CYFIP1: variants seen among roughly 807,000 people sequenced by gnomAD.
CYFIP1 encodes cytoplasmic FMR1-interacting protein 1.
A neutral mutation model predicts 163.5 loss-of-function variants in CYFIP1; 58 were observed. That is an observed-to-expected ratio of 0.35 (90% CI 0.29 to 0.44). The LOEUF is 0.44. CYFIP1 is among the 20% of genes least tolerant of loss of function. CYFIP1 has a pLI of 1.00. For synonymous variants in CYFIP1, 663 were observed against 660.7 expected, an observed-to-expected ratio of 1.00 and a Z score of -0.05; for missense variants, 1,338 against 1,653.8, an observed-to-expected ratio of 0.81 and a Z score of 3.31.
At chr15:22,906,079 CT>C (rs1311770045) in intron 21 of CYFIP1, among the ~76,000 whole-genome samples, 3 of 151,098 alleles carry the variant, frequency 2.0e-5, no homozygotes, top group Non-Finnish European at 4.4e-5. Context: ...TCAAAACTTT[CT>C]TTTTTCCAAT....
chr15:22,977,801 A>G (rs1164386990), intron 1 of CYFIP1, among the ~76,000 whole-genome samples: 4 of 152,186 alleles, frequency 2.6e-5, no homozygotes, highest in Non-Finnish European at 5.9e-5. Flanking sequence ...ATTGCACTCC[A>G]GCCTGGGCAA....
chr15:22,914,698 G>A, intron 17 of CYFIP1, 28 bp downstream of exon 17: 1 of 1,590,188 alleles, frequency 6.3e-7, no homozygotes. Flanking sequence ...ACACACAAAG[G>A]CTGGAGACAG....
At chr15:22,941,508 A>T (rs1344390661) in intron 6 of CYFIP1, among the ~76,000 whole-genome samples, 1 of 151,732 alleles carries the variant, frequency 6.6e-6, no homozygotes, top group Non-Finnish European at 1.5e-5. Flanking sequence ...AGGTTATACT[A>T]GTAGCCACGA....
chr15:22,910,875 T>C, intron 18 of CYFIP1, 62 bp from the exon 19 acceptor site: 1 of 1,433,522 alleles, frequency 7.0e-7, no homozygotes, highest in East Asian at 2.3e-5. Context: ...AATAACAAGG[T>C]GAAAAACAAA....
Position 22,875,256 on chromosome 15 carries a change from A to G in CYFIP1, c.3058T>C (p.Cys1020Arg), listed in dbSNP as rs763408874. The G allele has an allele frequency of 6.2e-7, 1 of 1,613,996 alleles. No individual in the cohort carries two copies. The highest frequency in any genetic ancestry group is 2.2e-5 in the East Asian group (1 of 44,880). The change falls in exon 27 of 31, where the codon TGT becomes CGT. Residue 1020 changes from cysteine to arginine, a missense_variant. This residue lies in a region of CYFIP1 where 306 missense variants were observed against 322.1 expected (regional missense o/e 0.95). Coordinates refer to ENST00000617928, the MANE Select transcript of CYFIP1 (RefSeq NM_014608.6). The stretch of plus-strand genomic sequence containing the variant: ...AAAGGAGCCGCGTGCAGCAGGTCAC[A>G]CACTTCTTCTAAAGACTAGAGCAGA... ...IEQSLSLEEV[C>R]DLLHAAPFQN...
At chr15:22,910,423 G>C (rs1336867105) in intron 20 of CYFIP1, 97 bp downstream of exon 20, 6 of 969,630 alleles carry the variant, frequency 6.2e-6, no homozygotes, top group Non-Finnish European at 1.6e-6. Flanking sequence ...TGGCCTCCCA[G>C]TGTTGGGATT....
chr15:22,914,420 T>C (rs2060899540), intron 17 of CYFIP1, among the ~76,000 whole-genome samples: 1 of 150,166 alleles, frequency 6.7e-6, no homozygotes, highest in South Asian at 2.1e-4. Flanking sequence ...GGAAACATGA[T>C]TTCTCTTTTT....
intron 10 of CYFIP1, among the ~76,000 whole-genome samples, chr15:22,933,281 G>T (rs954097959): frequency 1.3e-5 from 2 of 152,120 alleles, no homozygotes; most frequent in Admixed American, 6.5e-5. Flanking sequence ...AAACGTGGCT[G>T]TCGTAAGGAA....
At chr15:22,941,552 T>A (rs2061893165) in intron 6 of CYFIP1, among the ~76,000 whole-genome samples, 1 of 149,478 alleles carries the variant, frequency 6.7e-6, no homozygotes, top group South Asian at 2.1e-4. Context: ...CGTGTGTGTG[T>A]GGTGGGGGTC....
Position 22,918,729 on chromosome 15 carries a change from G to A in CYFIP1, c.1489C>T (p.Arg497Trp), listed in dbSNP as rs371096368. ...FSQVTLREPL[R>W]QAIKKKKNVI... is the part of the protein sequence containing the mutation. The stretch of plus-strand genomic sequence containing the variant: ...TTCTTCTTCTTCTTGATGGCCTGCC[G>A]CAGCGGCTCCCTAAGGGTCACCTGG... Residue 497 changes from arginine (R) to tryptophan (W), a missense_variant, in exon 14 of 31, where the codon CGG becomes TGG. Physicochemically the swap from Arg to Trp is moderately radical, Grantham distance 101. Around this residue, in one of 4 missense-constraint regions of CYFIP1, gnomAD observed 824 missense variants for 995.7 expected, o/e 0.83. Transcript: ENST00000617928. 4 of 1,609,738 alleles carry A rather than the reference G, an allele frequency of 2.5e-6. No individual in the cohort carries two copies. The highest frequency in any genetic ancestry group is 3.4e-6 in the Non-Finnish European group (4 of 1,178,294).
rs549534931 is a variant in CYFIP1, at chr15:22,903,987, G to A, written c.2389-82C>T. 22 of 1,313,500 alleles carry A rather than the reference G, an allele frequency of 1.7e-5. No individual in the cohort carries two copies. The African/African-American group carries it at 2.6e-4, about 16-fold the overall frequency. 81.4% of individuals were successfully genotyped at this position (1,313,500 alleles called of 1,614,324 possible). On this transcript the variant is annotated intron_variant, in intron 21 of 30. Transcript: ENST00000617928. The stretch of plus-strand genomic sequence containing the variant: ...CCGAGTGGCCTCTGATCCCACCCAG[G>A]CCTCACAGTCCCTGGCAGGGCTGCA...
Position 22,914,781 on chromosome 15 carries a change from T to C in CYFIP1, c.1930A>G (p.Met644Val). ...ATGTGGTCCGTCAGGATCCAGGGCATCGACATCTCAATGGGGAACTGGATC... is the reference window on the plus strand; with the variant it reads ...ATGTGGTCCGTCAGGATCCAGGGCACCGACATCTCAATGGGGAACTGGATC... Reference protein sequence around the residue: ...RRIQFPIEMSMPWILTDHILE... With the variant: ...RRIQFPIEMSVPWILTDHILE... The change falls in exon 17 of 31, where the codon ATG (methionine) becomes GTG (valine). Residue 644 changes from methionine to valine, a missense_variant. Physicochemically the swap from Met to Val is conservative, Grantham distance 21. Around this residue, in one of 4 missense-constraint regions of CYFIP1, gnomAD observed 824 missense variants for 995.7 expected, o/e 0.83. Transcript: ENST00000617928. The C allele has an allele frequency of 6.2e-7, 1 of 1,613,872 alleles. No homozygotes were observed. Among genetic ancestry groups the C allele is most frequent in the South Asian group, 1.1e-5 (1 of 91,050 alleles).
chr15:22,881,016 A>T (rs2059746027), intron 25 of CYFIP1, among the ~76,000 whole-genome samples: 1 of 152,168 alleles, frequency 6.6e-6, no homozygotes, highest in Admixed American at 6.5e-5. Context: ...ATAAACTGAA[A>T]ACAGATTCTC....
intron 1 of CYFIP1, among the ~76,000 whole-genome samples, chr15:22,956,765 G>A (rs2062472660): frequency 6.6e-6 from 1 of 152,184 alleles, no homozygotes; most frequent in African/African-American, 2.4e-5. Context: ...CTCTGGCCGG[G>A]CCCAGGCTCC....
At chr15:22,916,325 C>G (rs908547044) in intron 16 of CYFIP1, 152 bp downstream of exon 16, 5 of 648,314 alleles carry the variant, frequency 7.7e-6, no homozygotes, top group East Asian at 5.4e-5. Context: ...AGGCCAGGGA[C>G]GTACAGCCAC....
intron 30 of CYFIP1, 63 bp downstream of exon 30, chr15:22,872,762 A>T (rs1177185573): frequency 6.5e-7 from 1 of 1,545,116 alleles, no homozygotes. Context: ...AAGAACTTAT[A>T]ACACAAAGAA....
rs541662771 is a variant in CYFIP1, at chr15:22,966,797, A to G, written c.-7+13490T>C. Among the ~76,000 whole-genome samples the G allele has an allele frequency of 1.8e-4, 27 of 151,816 alleles. No individual in the cohort carries two copies. The South Asian group carries it at 5.4e-3, about 30-fold the overall frequency. Reference sequence around the variant, plus strand: ...GGGAACCCGCTTGGCAGCATGTGGAAAGACCCCACGATGAGCAGCAGACAC... The same window carrying G: ...GGGAACCCGCTTGGCAGCATGTGGAGAGACCCCACGATGAGCAGCAGACAC... On this transcript the variant is annotated intron_variant, in intron 1 of 30. Transcript: ENST00000617928.
intron 1 of CYFIP1, among the ~76,000 whole-genome samples, chr15:22,949,965 T>C (rs2062195578): frequency 6.6e-6 from 1 of 151,932 alleles, no homozygotes. Context: ...CCTGCCTCTT[T>C]TAAAAAAAGA....
intron 23 of CYFIP1, among the ~76,000 whole-genome samples, chr15:22,885,522 G>C (rs2059905194): frequency 6.6e-6 from 1 of 152,172 alleles, no homozygotes; most frequent in African/African-American, 2.4e-5. Flanking sequence ...CACAAGGTCA[G>C]GAGTTTGAGA....
Sources: allele counts gnomAD v4.1 joint callset (sites outside exome capture counted in the v4.1 genomes callset), GRCh38; gene constraint gnomAD v4.1.1; regional missense constraint gnomAD v4.1.1; transcripts MANE v1.5; gene names NCBI Gene and HGNC (gene_info 2026-07-23, HGNC 2026-07-21).